JADE3: variants seen among roughly 807,000 people sequenced by gnomAD.
JADE3 encodes protein Jade-3.
A neutral mutation model predicts 50.1 loss-of-function variants in JADE3; 2 were observed. That is an observed-to-expected ratio of 0.04 (90% CI 0.02 to 0.13). JADE3 has a LOEUF of 0.13. JADE3 is among the 10% of genes least tolerant of loss of function. The pLI is 1.00. For synonymous variants in JADE3, 218 were observed against 232.9 expected (o/e 0.94, Z 0.58); for missense variants, 475 against 634.4 (o/e 0.75, Z 2.70).
intron 1 of JADE3, among the ~76,000 whole-genome samples, chrX:46,958,303 A>G (rs1556346981): frequency 8.9e-6 from 1 of 112,193 alleles, no homozygotes; most frequent in African/African-American, 3.2e-5. Context: ...GACTTTACAT[A>G]TGTTCTAGTT....
chrX:46,942,213 T>A (rs1046602412), intron 1 of JADE3, among the ~76,000 whole-genome samples: 1 of 111,991 alleles, frequency 8.9e-6, no homozygotes, highest in Non-Finnish European at 1.9e-5. Flanking sequence ...GCAGAAGCTC[T>A]TATTAGGTCC....
chrX:47,055,984 C>T, intron 9 of JADE3, 98 bp from the exon 10 acceptor site: 1 of 491,289 alleles, frequency 2.0e-6, no homozygotes, highest in South Asian at 3.8e-5. Context: ...CTCCTCACCC[C>T]CACCTGACTT....
chrX:47,027,998 C>T lies in JADE3; in HGVS notation c.582C>T (p.Gly194=). 1 of 1,206,700 alleles carries T rather than the reference C, an allele frequency of 8.3e-7. No homozygotes were observed. The highest frequency in any genetic ancestry group is 1.1e-6 in the Non-Finnish European group (1 of 891,170). The change falls in exon 6 of 11, where the codon GGC becomes GGT. Residue 194 remains glycine, a synonymous_variant. Transcript: ENST00000614628. The part of the protein sequence containing the change: ...NHAIETEEGL[G]IEYDEDVICD... ...CTATTGAGACAGAGGAAGGGCTAGGCATAGAGTATGATGAAGATGTGATCT... is the reference window on the plus strand; with the variant it reads ...CTATTGAGACAGAGGAAGGGCTAGGTATAGAGTATGATGAAGATGTGATCT...
At chrX:46,953,401 G>A (rs1556345751) in intron 1 of JADE3, among the ~76,000 whole-genome samples, 1 of 111,617 alleles carries the variant, frequency 9.0e-6, no homozygotes, top group Non-Finnish European at 1.9e-5. Flanking sequence ...GTTGTACTCC[G>A]CATTCTGGCA....
intron 6 of JADE3, among the ~76,000 whole-genome samples, chrX:47,029,158 G>A (rs1928965441): frequency 9.0e-6 from 1 of 111,646 alleles, no homozygotes; most frequent in Non-Finnish European, 1.9e-5. Flanking sequence ...TGCCAATTTA[G>A]CATCATATGC....
chrX:47,002,581 A>G (rs1556359358), intron 4 of JADE3, among the ~76,000 whole-genome samples: 1 of 109,382 alleles, frequency 9.1e-6, no homozygotes, highest in East Asian at 2.8e-4. Context: ...AGGTTTCCAC[A>G]TGGTCATTGC....
At chrX:46,917,822 A>ACTCTCTCTCATCCTCTCTCTCTCTCTCT (rs1926124278) in intron 1 of JADE3, among the ~76,000 whole-genome samples, 1 of 22,271 alleles carries the variant, frequency 4.5e-5, no homozygotes, top group African/African-American at 1.7e-4. Flanking sequence ...TCTCTCTCTC[A>ACTCTCTCTCATCCTCTCTCTCTCTCTCT]CTCTCTCTCA....
At chrX:47,015,718 A>G (rs913628876) in intron 4 of JADE3, among the ~76,000 whole-genome samples, 38 of 101,168 alleles carry the variant, frequency 3.8e-4, no homozygotes, top group African/African-American at 1.4e-3. Context: ...AAGTCTCAGC[A>G]TCTTTTTTTT....
intron 4 of JADE3, among the ~76,000 whole-genome samples, chrX:46,999,809 CAATACTTT>C (rs1928239124): frequency 9.0e-6 from 1 of 110,524 alleles, no homozygotes; most frequent in Non-Finnish European, 1.9e-5. Flanking sequence ...TTTGTGTTTC[CAATACTTT>C]ACACAAAGGT....
chrX:46,923,651 G>T (rs1926291750), intron 1 of JADE3, among the ~76,000 whole-genome samples: 1 of 108,986 alleles, frequency 9.2e-6, no homozygotes, highest in Non-Finnish European at 1.9e-5. Context: ...CTAGGTTCAA[G>T]CGATCCTCCT....
At chrX:46,954,669 C>T (rs1927076875) in intron 1 of JADE3, among the ~76,000 whole-genome samples, 1 of 111,565 alleles carries the variant, frequency 9.0e-6, no homozygotes, top group African/African-American at 3.3e-5. Context: ...ATTCTCCTAC[C>T]TCAGCCTCCT....
At chrX:46,933,237 T>G (rs781986405) in intron 1 of JADE3, among the ~76,000 whole-genome samples, 1 of 111,704 alleles carries the variant, frequency 9.0e-6, no homozygotes, top group Non-Finnish European at 1.9e-5. Context: ...TGGTTGTTAA[T>G]GTCAATCACT....
chrX:46,919,956 A>G (rs936960108), intron 1 of JADE3, among the ~76,000 whole-genome samples: 22 of 110,889 alleles, frequency 2.0e-4, no homozygotes, highest in Admixed American at 4.9e-4. Context: ...TATTGCTTGT[A>G]GTAGCAAAAG....
In JADE3 at chrX:46,917,813, C is replaced by CTT. The variant is rs1265426011; in HGVS notation, c.-12+5095_-12+5096insTT. ...ATGGGAGGTCTGTCTCTCTCTCTCT[C>CTT]TCTCTCTCACTCTCTCTCATCCTCT... On this transcript the variant is annotated intron_variant, in intron 1 of 10. Transcript: ENST00000614628. Among the ~76,000 whole-genome samples the CTT allele has an allele frequency of 3.9e-3, 333 of 86,155 alleles. 9 individuals carry two copies. Among genetic ancestry groups the CTT allele is most frequent in the African/African-American group, 0.013 (308 of 22,984 alleles). 74.8% of individuals were successfully genotyped at this position (86,155 alleles called of 115,157 possible).
chrX:47,004,370 C>T (rs1173442013), intron 4 of JADE3, among the ~76,000 whole-genome samples: 2 of 112,137 alleles, frequency 1.8e-5, no homozygotes, highest in Admixed American at 9.5e-5. Flanking sequence ...TGGAATTCTC[C>T]AATGAAACAC....
At chrX:47,053,790 A>G (rs1251085497) in intron 8 of JADE3, among the ~76,000 whole-genome samples, 3 of 112,136 alleles carry the variant, frequency 2.7e-5, no homozygotes, top group Admixed American at 9.5e-5. Context: ...GGACTTGACA[A>G]TTGTTATAGG....
At chrX:47,020,297 C>T (rs1267194690) in intron 4 of JADE3, among the ~76,000 whole-genome samples, 1 of 108,475 alleles carries the variant, frequency 9.2e-6, no homozygotes, top group Non-Finnish European at 1.9e-5. Context: ...TGCCACTGCA[C>T]TCTAGCCTGG....
intron 1 of JADE3, among the ~76,000 whole-genome samples, chrX:46,927,203 G>A (rs1454488737): frequency 8.9e-6 from 1 of 112,171 alleles, no homozygotes; most frequent in Non-Finnish European, 1.9e-5. Flanking sequence ...GTAAAATGAA[G>A]TTAACCACTG....
intron 1 of JADE3, among the ~76,000 whole-genome samples, chrX:46,926,447 T>G (rs1556338918): frequency 9.0e-6 from 1 of 111,181 alleles, no homozygotes; most frequent in Non-Finnish European, 1.9e-5. Flanking sequence ...GGTCTCACTA[T>G]GTTGCCCAGG....
Sources: allele counts gnomAD v4.1 joint callset (sites outside exome capture counted in the v4.1 genomes callset), GRCh38; gene constraint gnomAD v4.1.1; transcripts MANE v1.5; gene names NCBI Gene and HGNC (gene_info 2026-07-23, HGNC 2026-07-21).